Variants in SEC14L2 observed in about 807,000 individuals in gnomAD.
SEC14L2 encodes SEC14 like lipid binding 2.
Under a neutral mutation model 56.9 loss-of-function variants are expected in SEC14L2, and 50 were observed. The observed-to-expected ratio is 0.88, with a 90% CI of 0.70 to 1.11. SEC14L2 has a LOEUF of 1.11. Ranked by LOEUF, SEC14L2 falls within the 50% of genes most tolerant of loss-of-function variation. The pLI is 0.00. For missense variants in SEC14L2, 414 were observed against 500.7 expected, an observed-to-expected ratio of 0.83 and a Z score of 1.65; for synonymous variants, 179 against 188.5, an observed-to-expected ratio of 0.95 and a Z score of 0.41.
chr22:30,410,629 T>C lies in SEC14L2; in HGVS notation c.614T>C (p.Ile205Thr). The C allele has an allele frequency of 6.2e-7, 1 of 1,614,166 alleles. No homozygotes were observed. The highest frequency in any genetic ancestry group is 8.5e-7 in the Non-Finnish European group (1 of 1,180,014). Residue 205 changes from isoleucine (I) to threonine (T), a missense_variant, in exon 8 of 12, where the codon ATC (isoleucine) becomes ACC (threonine). Ile to Thr is a moderately conservative substitution (Grantham distance 89). Transcript: ENST00000615189. ...PKLFPVAYNL[I>T]KPFLSEDTRK... ...CTGTTTCCTGTGGCCTATAACCTCA[T>C]CAAACCCTTCCTGAGTGAGGACACT...
At chr22:30,420,205 A>G (rs1439216611) in intron 11 of SEC14L2, among the ~76,000 whole-genome samples, 9 of 152,156 alleles carry the variant, frequency 5.9e-5, no homozygotes, top group Non-Finnish European at 1.0e-4. Context: ...CACCCGCCTC[A>G]GCCTCCCAAA....
rs2146051269 is a variant in SEC14L2, at chr22:30,424,216, G to A, written c.*1809G>A. On this transcript the variant is annotated 3_prime_UTR_variant, in exon 12 of 12. Transcript: ENST00000615189. ...AGCTAGCACTGGGCCCAGAATGAGA[G>A]GGAGGCGGAGGAGCAGCGATCACGT... 1 of 158,472 alleles carries A rather than the reference G, an allele frequency of 6.3e-6. No homozygotes were observed. The highest frequency in any genetic ancestry group is 1.9e-4 in the East Asian group (1 of 5,284). 9.8% of individuals were successfully genotyped at this position (158,472 alleles called of 1,614,324 possible).
At chr22:30,420,151 C>T (rs1228555792) in intron 11 of SEC14L2, among the ~76,000 whole-genome samples, 1 of 152,064 alleles carries the variant, frequency 6.6e-6, no homozygotes, top group Non-Finnish European at 1.5e-5. Context: ...TGGGGTTTCT[C>T]CGTGTTCGTT....
In SEC14L2 at chr22:30,422,286, G is replaced by T. The variant is rs749547646; in HGVS notation, c.1091G>T (p.Arg364Leu). The T allele has an allele frequency of 1.9e-6, 3 of 1,613,966 alleles. No individual in the cohort carries two copies. Among genetic ancestry groups the T allele is most frequent in the Non-Finnish European group, 2.5e-6 (3 of 1,179,992 alleles). ...TTCTGCCTTCCCTCAGATGTCCTGC[G>T]GTTTGACAACACCTACAGCTTCATT... The part of the protein sequence containing the change: ...TCSDPGIYVL[R>L]FDNTYSFIHA... Residue 364 changes from arginine (R) to leucine (L), a missense_variant, in exon 12 of 12, where the codon CGG becomes CTG. Arg to Leu is a moderately radical substitution (Grantham distance 102). Coordinates refer to ENST00000615189, the MANE Select transcript of SEC14L2 (RefSeq NM_012429.5).
intron 5 of SEC14L2, among the ~76,000 whole-genome samples, 176 bp downstream of exon 5, chr22:30,407,779 GGC>G: frequency 6.6e-6 from 1 of 151,238 alleles, no homozygotes; most frequent in East Asian, 1.9e-4. Context: ...ATGTTGGCCA[GGC>G]TGGTCTTGAA....
chr22:30,397,604 G>C, intron 1 of SEC14L2: 1 of 304,714 alleles, frequency 3.3e-6, no homozygotes, highest in Non-Finnish European at 6.4e-6. Context: ...AGCTCCTTGG[G>C]AGACTTGGAT....
At chr22:30,416,614 A>G (rs1934398450) in intron 11 of SEC14L2, 1 of 1,462,322 alleles carries the variant, frequency 6.8e-7, no homozygotes. Flanking sequence ...TGGGACTTTG[A>G]TCTCATACTC....
chr22:30,404,042 A>AAG (rs1221590738), intron 2 of SEC14L2, among the ~76,000 whole-genome samples: 2 of 150,696 alleles, frequency 1.3e-5, no homozygotes, highest in Non-Finnish European at 3.0e-5. Flanking sequence ...AAAAAAAAAA[A>AAG]AGAAGATAAG....
chr22:30,399,341 C>T (rs1476883335), intron 1 of SEC14L2, among the ~76,000 whole-genome samples: 1 of 151,772 alleles, frequency 6.6e-6, no homozygotes, highest in African/African-American at 2.4e-5. Flanking sequence ...ACGGTGAAAC[C>T]CTGTCTCTAC....
At chr22:30,421,959 C>G (rs1436699701) in intron 11 of SEC14L2, among the ~76,000 whole-genome samples, 2 of 152,210 alleles carry the variant, frequency 1.3e-5, no homozygotes, top group Admixed American at 1.3e-4. Flanking sequence ...AAGTCCAGTT[C>G]AAGCTCTAAC....
At chr22:30,422,206 A>G (rs1569213520) in intron 11 of SEC14L2, 71 bp from the exon 12 acceptor site, 1 of 1,588,250 alleles carries the variant, frequency 6.3e-7, no homozygotes, top group South Asian at 1.1e-5. Flanking sequence ...CTAAACATCA[A>G]CAAAAATCAC....
chr22:30,419,985 C>T (rs1188803137), intron 11 of SEC14L2, among the ~76,000 whole-genome samples: 2 of 146,146 alleles, frequency 1.4e-5, no homozygotes, highest in African/African-American at 5.1e-5. Context: ...CAGAGTTTTG[C>T]TCTTGTTGCC....
At chr22:30,406,252 G>GGCCCTATCATGGGAATATGGGAATC in intron 2 of SEC14L2, 90 bp from the exon 3 acceptor site, 1 of 1,244,810 alleles carries the variant, frequency 8.0e-7, no homozygotes, top group East Asian at 2.3e-5. Flanking sequence ...GAGAGGAACT[G>GGCCCTATCATGGGAATATGGGAATC]GCCCTATCAT....
At chr22:30,409,062 C>CTGA in intron 5 of SEC14L2, 125 bp from the exon 6 acceptor site, 1 of 873,178 alleles carries the variant, frequency 1.1e-6, no homozygotes. Context: ...TTGGAAAACT[C>CTGA]TAGGTCCGGC....
chr22:30,407,713 C>CTT (rs370128450), intron 5 of SEC14L2, 110 bp downstream of exon 5: 1,379 of 608,170 alleles, frequency 2.3e-3, no homozygotes, highest in Non-Finnish European at 2.6e-3. Context: ...AAGGCCCAGC[C>CTT]TTTTTTTTTT....
intron 8 of SEC14L2, among the ~76,000 whole-genome samples, chr22:30,412,304 C>G (rs1308321661): frequency 2.0e-5 from 3 of 152,080 alleles, no homozygotes. Flanking sequence ...ATACCAGCTA[C>G]TAGGGAAGCT....
rs34186497 is a variant in SEC14L2, at chr22:30,399,890, C to T, written c.130+172C>T. Among the ~76,000 whole-genome samples the T allele has an allele frequency of 3.6e-3, 544 of 152,346 alleles. 3 individuals carry two copies. The highest frequency in any genetic ancestry group is 0.023 in the East Asian group (122 of 5,194). ...TCAACCCTCCTAGTGGATAAAGACA[C>T]TGAGGCTCAGAGAGGTCAAGTGACT... is the stretch of plus-strand genomic sequence containing the variant. On this transcript the variant is annotated intron_variant, in intron 2 of 11. Coordinates refer to ENST00000615189, the MANE Select transcript of SEC14L2 (RefSeq NM_012429.5).
intron 11 of SEC14L2, chr22:30,416,974 A>T: frequency 2.0e-6 from 1 of 501,402 alleles, no homozygotes; most frequent in Non-Finnish European, 2.6e-6. Flanking sequence ...TTGACTCAGC[A>T]ATTCTACTTG....
At chr22:30,403,458 G>A (rs997585376) in intron 2 of SEC14L2, among the ~76,000 whole-genome samples, 1 of 152,208 alleles carries the variant, frequency 6.6e-6, no homozygotes, top group Non-Finnish European at 1.5e-5. Flanking sequence ...CCAGACAGCT[G>A]CTCCTGAGCT....
Sources: allele counts gnomAD v4.1 joint callset (sites outside exome capture counted in the v4.1 genomes callset), GRCh38; gene constraint gnomAD v4.1.1; transcripts MANE v1.5; gene names NCBI Gene and HGNC (gene_info 2026-07-23, HGNC 2026-07-21).